The following ZNF827 variants were observed in gnomAD, a reference collection of about 807,000 sequenced individuals.
ZNF827 encodes zinc finger protein 827.
In ZNF827, 13 loss-of-function variants were observed where a neutral mutation model predicts 102.4. The ratio of observed to expected loss-of-function variants is 0.13; its 90% CI spans 0.08 to 0.20. ZNF827 has a LOEUF of 0.20. Ranked by LOEUF, ZNF827 falls within the 10% of genes least tolerant of loss-of-function variation. The pLI, the probability that ZNF827 is intolerant of heterozygous loss-of-function variation, is 1.00. For missense variants in ZNF827, 1,103 were observed against 1,344.4 expected (o/e 0.82, Z 2.81); for synonymous variants, 523 against 536.2 (o/e 0.98, Z 0.34).
intron 1 of ZNF827, among the ~76,000 whole-genome samples, chr4:145,930,235 A>G (rs1173094811): frequency 6.6e-6 from 1 of 152,228 alleles, no homozygotes; most frequent in Non-Finnish European, 1.5e-5. Context: ...AGCTTGTTTC[A>G]AAAGCTCAGA....
intron 4 of ZNF827, among the ~76,000 whole-genome samples, chr4:145,879,903 G>T (rs1228433834): frequency 6.6e-6 from 1 of 152,134 alleles, no homozygotes; most frequent in Admixed American, 6.5e-5. Context: ...ACAGCCTGGG[G>T]AAGAGAATCC....
chr4:145,874,676 T>TTATTCC (rs1222100208), intron 4 of ZNF827, among the ~76,000 whole-genome samples: 1 of 152,206 alleles, frequency 6.6e-6, no homozygotes, highest in Non-Finnish European at 1.5e-5. Flanking sequence ...AGTCTTCACT[T>TTATTCC]TATTCCTACT....
chr4:145,923,415 G>A (rs1388368347), intron 1 of ZNF827, among the ~76,000 whole-genome samples: 1 of 150,722 alleles, frequency 6.6e-6, no homozygotes, highest in East Asian at 1.9e-4. Flanking sequence ...GACCAGCCTG[G>A]CCAACGTGGT....
Position 145,902,141 on chromosome 4 carries a change from ATGAT to A in ZNF827, c.1093+21_1093+24del. On this transcript the variant is annotated intron_variant, in intron 2 of 14. Coordinates refer to ENST00000508784, the MANE Select transcript of ZNF827 (RefSeq NM_001306215.2). The surrounding 1 kb of genome is among the most constrained non-coding windows in gnomAD (Gnocchi z 4.3). ...GTTTATAGTCTAAAGGACTTACACG[ATGAT>A]TGAAAGAAAAGATGCCATACCTGAA... The A allele has an allele frequency of 6.4e-7, 1 of 1,560,768 alleles. No individual in the cohort carries two copies. Among genetic ancestry groups the A allele is most frequent in the South Asian group, 1.3e-5 (1 of 79,402 alleles).
At chr4:145,856,723 ACC>A (rs1224282329) in intron 5 of ZNF827, among the ~76,000 whole-genome samples, 5 of 114,020 alleles carry the variant, frequency 4.4e-5, no homozygotes, top group African/African-American at 6.4e-5. Flanking sequence ...ACACACACAC[ACC>A]CCATTTCACT....
chr4:145,870,989 A>T (rs1345580406), intron 4 of ZNF827, among the ~76,000 whole-genome samples: 1 of 152,202 alleles, frequency 6.6e-6, no homozygotes, highest in Non-Finnish European at 1.5e-5. Flanking sequence ...CTCTTGCCTC[A>T]TTATAAGACG....
At chr4:145,852,754 T>A (rs62328429) in intron 5 of ZNF827, among the ~76,000 whole-genome samples, 5,510 of 152,220 alleles carry the variant, frequency 0.036, 146 homozygotes, top group Non-Finnish European at 0.052. Context: ...CTCTAACTTT[T>A]ATTTATTTAT....
chr4:145,870,257 T>C lies in ZNF827; in HGVS notation c.1969A>G (p.Met657Val). 1 of 1,613,694 alleles carries C rather than the reference T, an allele frequency of 6.2e-7. No homozygotes were observed. Among genetic ancestry groups the C allele is most frequent in the Non-Finnish European group, 8.5e-7 (1 of 1,179,680 alleles). Residue 657 changes from methionine to valine, a missense_variant, in exon 5 of 15, where the codon ATG (methionine) becomes GTG (valine). Coordinates refer to ENST00000508784, the MANE Select transcript of ZNF827 (RefSeq NM_001306215.2). ...ATAAATCAAGTACCTGAGAGTTTCA[T>C]GAGAAGTTCAGAGGCTGCTTTGACT... ...VSVKAASELLMKLSAESYKET... is the reference protein window; with the variant it reads ...VSVKAASELLVKLSAESYKET...
chr4:145,879,927 C>A (rs1276408344), intron 4 of ZNF827, among the ~76,000 whole-genome samples: 1 of 152,112 alleles, frequency 6.6e-6, no homozygotes, highest in African/African-American at 2.4e-5. Context: ...AACCACACTG[C>A]CTGGATTAGA....
chr4:145,889,629 C>T (rs952522240), intron 3 of ZNF827, among the ~76,000 whole-genome samples: 21 of 150,276 alleles, frequency 1.4e-4, no homozygotes, highest in Non-Finnish European at 2.8e-4. Context: ...TCTCGGCTCA[C>T]TGCAAGCTCC....
At chr4:145,794,721 TAC>T (rs1740198203) in intron 8 of ZNF827, among the ~76,000 whole-genome samples, 1 of 151,822 alleles carries the variant, frequency 6.6e-6, no homozygotes, top group South Asian at 2.1e-4. Context: ...AAATAGCACA[TAC>T]ATACCCAACA....
chr4:145,846,305 C>T (rs749725737), intron 6 of ZNF827, among the ~76,000 whole-genome samples: 3 of 151,732 alleles, frequency 2.0e-5, no homozygotes, highest in Non-Finnish European at 2.9e-5. Flanking sequence ...AGTGAAACAC[C>T]GTCTCTACTA....
chr4:145,872,546 C>A (rs1236999379), intron 4 of ZNF827, among the ~76,000 whole-genome samples: 1 of 152,178 alleles, frequency 6.6e-6, no homozygotes, highest in Non-Finnish European at 1.5e-5. Context: ...GTTTAACAGA[C>A]CAATCACATG....
chr4:145,857,387 T>C (rs1561006012), intron 5 of ZNF827, among the ~76,000 whole-genome samples: 1 of 152,254 alleles, frequency 6.6e-6, no homozygotes, highest in Non-Finnish European at 1.5e-5. Flanking sequence ...ACATATCATT[T>C]TCTACAAGAT....
chr4:145,773,404 A>G (rs1209486790), intron 11 of ZNF827, among the ~76,000 whole-genome samples: 1 of 152,214 alleles, frequency 6.6e-6, no homozygotes, highest in African/African-American at 2.4e-5. Context: ...AGAAACACAG[A>G]GAGATCCTCC....
At chr4:145,925,073 G>A (rs192900831) in intron 1 of ZNF827, among the ~76,000 whole-genome samples, 3 of 152,272 alleles carry the variant, frequency 2.0e-5, no homozygotes, top group Non-Finnish European at 4.4e-5. Flanking sequence ...TTACATGGCA[G>A]CAGGCAAGAG....
chr4:145,874,840 C>T (rs1254643625), intron 4 of ZNF827, among the ~76,000 whole-genome samples: 1 of 152,238 alleles, frequency 6.6e-6, no homozygotes, highest in Non-Finnish European at 1.5e-5. Context: ...GGCCCCCTCT[C>T]TCGCTGTTTG....
At chr4:145,885,066 T>C (rs1749992592) in intron 4 of ZNF827, among the ~76,000 whole-genome samples, 1 of 152,030 alleles carries the variant, frequency 6.6e-6, no homozygotes, top group Non-Finnish European at 1.5e-5. Flanking sequence ...CTTAATGTCA[T>C]TGAACTGTGC....
rs1734561914 is a variant in ZNF827 at position 145,761,857 on chromosome 4, A to T, written c.*18-259T>A. ...CTGGGTCTCTTGGCCGATACAGGCAAGGCCAGCCCTCACCAAGGGGAGCAG... is the reference window on the plus strand; with the variant it reads ...CTGGGTCTCTTGGCCGATACAGGCATGGCCAGCCCTCACCAAGGGGAGCAG... On this transcript the variant is annotated intron_variant, in intron 14 of 14. Transcript: ENST00000508784. The surrounding 1 kb of genome is among the most constrained non-coding windows in gnomAD (Gnocchi z 6.8). 6.6e-6 allele frequency among the ~76,000 whole-genome samples: 1 copy of T among 152,176 alleles called. No homozygotes were observed.
Sources: allele counts gnomAD v4.1 joint callset (sites outside exome capture counted in the v4.1 genomes callset), GRCh38; gene constraint gnomAD v4.1.1; non-coding constraint Gnocchi (gnomAD v3.1); transcripts MANE v1.5; gene names NCBI Gene and HGNC (gene_info 2026-07-23, HGNC 2026-07-21).